VWA3B: variants seen among roughly 807,000 people sequenced by gnomAD.
The protein encoded by VWA3B is von Willebrand factor A domain-containing protein 3B.
In VWA3B, 138 loss-of-function variants were observed where a neutral mutation model predicts 158.3. The observed-to-expected ratio is 0.87, with a 90% confidence interval of 0.76 to 1.00. The LOEUF is 1.00. Ranked by LOEUF, VWA3B falls within the 50% of genes least tolerant of loss-of-function variation. VWA3B has a pLI of 0.00. For missense variants in VWA3B, 1,555 were observed against 1,565.1 expected (o/e 0.99, Z 0.11); for synonymous variants, 596 against 587.3 (o/e 1.01, Z -0.21).
At chr2:98,105,734 A>AACAC (rs964921725) in intron 2 of VWA3B, among the ~76,000 whole-genome samples, 3 of 151,332 alleles carry the variant, frequency 2.0e-5, no homozygotes, top group Admixed American at 6.6e-5. Context: ...TCTCTTAAAA[A>AACAC]ACACACACAC....
At chr2:98,313,510 T>C (rs1691021161), downstream of VWA3B, among the ~76,000 whole-genome samples, 1 of 152,220 alleles carries the variant, frequency 6.6e-6, no homozygotes, top group African/African-American at 2.4e-5. Flanking sequence ...TATGAGGGTC[T>C]GAAGGAAGCA....
chr2:98,246,996 G>A (rs1257818932), intron 19 of VWA3B, among the ~76,000 whole-genome samples: 2 of 151,724 alleles, frequency 1.3e-5, no homozygotes, highest in African/African-American at 4.8e-5. Flanking sequence ...AAGTTTTAAT[G>A]TAATGACAAT....
chr2:98,126,455 G>C (rs1282745074), intron 5 of VWA3B, among the ~76,000 whole-genome samples: 2 of 152,174 alleles, frequency 1.3e-5, no homozygotes, highest in Non-Finnish European at 2.9e-5. Context: ...GGATGAACCT[G>C]TCCCCATGCT....
At chr2:98,151,705 C>G (rs893005747) in intron 7 of VWA3B, among the ~76,000 whole-genome samples, 3 of 152,180 alleles carry the variant, frequency 2.0e-5, no homozygotes, top group African/African-American at 7.2e-5. Context: ...ACTTGTGTGA[C>G]CTTGGGCAAG....
intron 3 of VWA3B, among the ~76,000 whole-genome samples, chr2:98,116,510 T>C (rs889972372): frequency 1.3e-5 from 2 of 152,202 alleles, no homozygotes; most frequent in African/African-American, 4.8e-5. Context: ...TTTTTTTAAA[T>C]TCTCTTTTTC....
chr2:98,272,558 C>A (rs1304375055), intron 22 of VWA3B, among the ~76,000 whole-genome samples: 2 of 152,144 alleles, frequency 1.3e-5, no homozygotes, highest in East Asian at 3.9e-4. Flanking sequence ...CCTCTCCCCT[C>A]CTGGAGGTTG....
chr2:98,214,779 G>A (rs562089899), intron 13 of VWA3B, among the ~76,000 whole-genome samples: 10 of 152,248 alleles, frequency 6.6e-5, no homozygotes, highest in Non-Finnish European at 8.8e-5. Context: ...ATACGCAGTC[G>A]GATTGTTTTT....
intron 23 of VWA3B, among the ~76,000 whole-genome samples, chr2:98,296,034 A>T (rs1689783389): frequency 6.6e-6 from 1 of 152,250 alleles, no homozygotes; most frequent in South Asian, 2.1e-4. Context: ...AAAAGAAGTC[A>T]TCATAACAGT....
At chr2:98,195,576 GTTCTGTCCTTTTTTTT>G (rs1355325174) in intron 12 of VWA3B, among the ~76,000 whole-genome samples, 1 of 151,732 alleles carries the variant, frequency 6.6e-6, no homozygotes, top group Non-Finnish European at 1.5e-5. Context: ...TGTGACATAC[GTTCTGTCCTTTTTTTT>G]TTCTGTCCTT....
intron 22 of VWA3B, among the ~76,000 whole-genome samples, chr2:98,284,107 G>A (rs1235343937): frequency 1.3e-5 from 2 of 152,214 alleles, no homozygotes; most frequent in African/African-American, 2.4e-5. Context: ...CCCAAGCAAA[G>A]TTTGGCTAAA....
chr2:98,145,336 A>G (rs530727610), intron 7 of VWA3B, among the ~76,000 whole-genome samples: 156 of 152,290 alleles, frequency 1.0e-3, no homozygotes, highest in African/African-American at 2.7e-3. Flanking sequence ...ATTCCAGCTC[A>G]CTCAATCTTC....
At chr2:98,160,215 A>G (rs1678457614) in intron 7 of VWA3B, among the ~76,000 whole-genome samples, 1 of 152,174 alleles carries the variant, frequency 6.6e-6, no homozygotes, top group Non-Finnish European at 1.5e-5. Context: ...GACCTTGATA[A>G]AACTGGCAGT....
At chr2:98,303,226 A>G (rs4851959) in intron 25 of VWA3B, among the ~76,000 whole-genome samples, 55,000 of 148,548 alleles carry the variant, frequency 0.37, 10,959 homozygotes, top group Non-Finnish European at 0.46. Flanking sequence ...CCTACAGGAC[A>G]TGGGGCCCTG....
intron 20 of VWA3B, among the ~76,000 whole-genome samples, chr2:98,253,426 T>C (rs1341847518): frequency 1.3e-5 from 2 of 152,172 alleles, no homozygotes; most frequent in Non-Finnish European, 2.9e-5. Flanking sequence ...AGTCCTTTTG[T>C]CTCATTTTAA....
rs377308872 is a variant in VWA3B at position 98,281,871 on chromosome 2, G to A, written c.3046-8640G>A. On this transcript the variant is annotated intron_variant, in intron 22 of 27. Coordinates refer to ENST00000477737, the MANE Select transcript of VWA3B (RefSeq NM_144992.5). ...GACTTCCTCACTGAAACTGGTGGGCGGCTATTCTTGTGTGCCTGAGTCTAA... is the reference window on the plus strand; with the variant it reads ...GACTTCCTCACTGAAACTGGTGGGCAGCTATTCTTGTGTGCCTGAGTCTAA... Among the ~76,000 whole-genome samples, 241 of 152,306 alleles carry A rather than the reference G, an allele frequency of 1.6e-3. No individual in the cohort carries two copies. In the Middle Eastern group the frequency reaches 0.027, roughly 17 times the overall value.
intron 2 of VWA3B, among the ~76,000 whole-genome samples, chr2:98,107,217 A>G (rs149644296): frequency 5.3e-5 from 8 of 152,198 alleles, no homozygotes; most frequent in Non-Finnish European, 8.8e-5. Flanking sequence ...TATATTATAC[A>G]TTGCAGAATT....
At chr2:98,187,618 A>G (rs1464941184) in intron 9 of VWA3B, among the ~76,000 whole-genome samples, 2 of 149,490 alleles carry the variant, frequency 1.3e-5, no homozygotes, top group Non-Finnish European at 3.0e-5. Flanking sequence ...AATTCTCCAC[A>G]TTGCTATGTC....
intron 7 of VWA3B, among the ~76,000 whole-genome samples, chr2:98,151,519 T>A (rs6543326): frequency 0.28 from 42,738 of 152,090 alleles, 8,384 homozygotes; most frequent in African/African-American, 0.56. Context: ...CAGTCACATG[T>A]TCATGTCCTA....
At chr2:98,240,235 G>T (rs1275422478) in intron 19 of VWA3B, among the ~76,000 whole-genome samples, 1 of 152,090 alleles carries the variant, frequency 6.6e-6, no homozygotes, top group African/African-American at 2.4e-5. Context: ...ACATGAATAA[G>T]ACAATACCAT....
Sources: allele counts gnomAD v4.1 joint callset (sites outside exome capture counted in the v4.1 genomes callset), GRCh38; gene constraint gnomAD v4.1.1; transcripts MANE v1.5; gene names NCBI Gene and HGNC (gene_info 2026-07-23, HGNC 2026-07-21).